Variants in CYP27C1 observed in about 807,000 individuals in gnomAD.
The protein encoded by CYP27C1 is cytochrome P450 27C1.
A neutral mutation model predicts 40.6 loss-of-function variants in CYP27C1; 29 were observed. The ratio of observed to expected loss-of-function variants is 0.71; its 90% CI spans 0.53 to 0.97. The LOEUF is 0.97. Among genes scored for constraint, CYP27C1 ranks in the 50% least tolerant of loss-of-function variants. CYP27C1 has a pLI of 0.00. For missense variants in CYP27C1, 390 were observed against 485.8 expected (o/e 0.80, Z 1.85); for synonymous variants, 198 against 186.8 (o/e 1.06, Z -0.49).
rs908727052 is a variant in CYP27C1, at chr2:127,219,034, T to A, written c.282+955A>T. Reference sequence around the variant, plus strand: ...GTTCCTCCCACGTCCCTGCCTCCAGTCCCGGCGCGAACTCCAGGTGTCGCC... The same window carrying A: ...GTTCCTCCCACGTCCCTGCCTCCAGACCCGGCGCGAACTCCAGGTGTCGCC... On this transcript the variant is annotated intron_variant, in intron 1 of 8. Coordinates refer to ENST00000664447, the MANE Select transcript of CYP27C1 (RefSeq NM_001367502.1). The surrounding 1 kb of genome is among the most constrained non-coding windows in gnomAD (Gnocchi z 8.7). 6.6e-6 allele frequency among the ~76,000 whole-genome samples: 1 copy of A among 151,986 alleles called. No homozygotes were observed. The highest frequency in any genetic ancestry group is 2.1e-4 in the South Asian group (1 of 4,816).
At chr2:127,187,893 T>C (rs74707659) in intron 8 of CYP27C1, among the ~76,000 whole-genome samples, 14,504 of 152,266 alleles carry the variant, frequency 0.095, 833 homozygotes, top group Middle Eastern at 0.14. Context: ...TATTCTTGGT[T>C]CGTAACTTTG....
At chr2:127,194,997 T>G (rs112728646) in intron 6 of CYP27C1, among the ~76,000 whole-genome samples, 2,595 of 152,190 alleles carry the variant, frequency 0.017, 72 homozygotes, top group African/African-American at 0.06. Context: ...GCCCTGCTAA[T>G]TTTTGTATTT....
Position 127,199,387 on chromosome 2 carries a change from C to A in CYP27C1, c.1036G>T (p.Gly346Cys), listed in dbSNP as rs775859403. ...ACCCCCAGACTCACCGTGTCGACGCCGGCCAGCAGCATCTCAGTCACGTTG... is the reference window on the plus strand; with the variant it reads ...ACCCCCAGACTCACCGTGTCGACGCAGGCCAGCAGCATCTCAGTCACGTTG... ...YANVTEMLLAGVDTTSFTLSW... is the reference protein window; with the variant it reads ...YANVTEMLLACVDTTSFTLSW... The change falls in exon 5 of 9, where the codon GGC becomes TGC. Residue 346 changes from glycine (G) to cysteine (C), a missense_variant. By Grantham distance (159) the Gly-to-Cys change is radical. Coordinates refer to ENST00000664447, the MANE Select transcript of CYP27C1 (RefSeq NM_001367502.1). The A allele has an allele frequency of 1.2e-6, 2 of 1,613,878 alleles. No homozygotes were observed. Among genetic ancestry groups the A allele is most frequent in the Non-Finnish European group, 1.7e-6 (2 of 1,179,946 alleles).
rs779367676 is a variant in CYP27C1, at chr2:127,195,293, TA to T, written c.1214+41del. The T allele has an allele frequency of 1.1e-5, 17 of 1,612,770 alleles. No individual in the cohort carries two copies. Among genetic ancestry groups the T allele is most frequent in the Non-Finnish European group, 1.4e-5 (17 of 1,179,220 alleles). On this transcript the variant is annotated intron_variant, in intron 6 of 8. Transcript: ENST00000664447. This position sits in a 1 kb window ranked among gnomAD's most constrained non-coding sequence, Gnocchi z 6.2. ...TTGTTGTGATAGAGAACCAGGGACC[TA>T]AGGGACACAGTTTGTTGACGGATTC... is the stretch of plus-strand genomic sequence containing the variant.
chr2:127,201,050 G>T lies in CYP27C1; in HGVS notation c.883+72C>A. 7.0e-7 allele frequency: 1 copy of T among 1,427,828 alleles called. No homozygotes were observed. The highest frequency in any genetic ancestry group is 9.8e-7 in the Non-Finnish European group (1 of 1,021,996). 88.4% of individuals were successfully genotyped at this position (1,427,828 alleles called of 1,614,324 possible). A position where few individuals can be genotyped will look rare whatever the true frequency, so the allele number is the denominator to read the frequency against. ...CCTCTGCTATGGTCACCCATTGTCT[G>T]GATGAGAGTTAGACACACAACACGG... On this transcript the variant is annotated intron_variant, in intron 4 of 8. Transcript: ENST00000664447. The surrounding 1 kb of genome is among the most constrained non-coding windows in gnomAD (Gnocchi z 6.0).
At position 127,219,003 on chromosome 2, in the gene CYP27C1, C is replaced by G. The variant is rs1450670314; in HGVS notation, c.282+986G>C. Among the ~76,000 whole-genome samples, 1 of 152,110 alleles carries G rather than the reference C, an allele frequency of 6.6e-6. No individual in the cohort carries two copies. The highest frequency in any genetic ancestry group is 2.4e-5 in the African/African-American group (1 of 41,428). On this transcript the variant is annotated intron_variant, in intron 1 of 8. Coordinates refer to ENST00000664447, the MANE Select transcript of CYP27C1 (RefSeq NM_001367502.1). This position sits in a 1 kb window ranked among gnomAD's most constrained non-coding sequence, Gnocchi z 8.7. ...CAACGCCCTAGCGGGTGGCTGGGAC[C>G]CCTGGGTTCCTCCCACGTCCCTGCC...
chr2:127,195,204 G>A lies in CYP27C1; in HGVS notation c.1214+131C>T. The A allele has an allele frequency of 8.9e-7, 1 of 1,122,462 alleles. No individual in the cohort carries two copies. The highest frequency in any genetic ancestry group is 1.3e-6 in the Non-Finnish European group (1 of 779,894). The allele number at this position is 1,122,462 out of a possible 1,614,324, so 69.5% of individuals were successfully genotyped here. A position where few individuals can be genotyped will look rare whatever the true frequency, so the allele number is the denominator to read the frequency against. ...TTTCTGCTATTCTGACAAGAGCAGAGAAAAAATAACAGTCACGAACATCCT... is the reference window on the plus strand; with the variant it reads ...TTTCTGCTATTCTGACAAGAGCAGAAAAAAAATAACAGTCACGAACATCCT... On this transcript the variant is annotated intron_variant, in intron 6 of 8. Coordinates refer to ENST00000664447, the MANE Select transcript of CYP27C1 (RefSeq NM_001367502.1). The surrounding 1 kb of genome is among the most constrained non-coding windows in gnomAD (Gnocchi z 6.2).
At chr2:127,194,179 G>C (rs982684564) in intron 6 of CYP27C1, among the ~76,000 whole-genome samples, 1 of 152,058 alleles carries the variant, frequency 6.6e-6, no homozygotes, top group Non-Finnish European at 1.5e-5. Flanking sequence ...ATGTGACCAC[G>C]GGACCACTTT....
chr2:127,204,485 A>AAAGAAAGAAAGAAAGGAAGGAAGGAAGG (rs1336827282), intron 2 of CYP27C1, among the ~76,000 whole-genome samples: 1 of 60,170 alleles, frequency 1.7e-5, no homozygotes, highest in African/African-American at 6.8e-5. Context: ...AGAAAGAAAG[A>AAAGAAAGAAAGAAAGGAAGGAAGGAAGG]AAGGAAGGAA....
chr2:127,193,413 C>G (rs902327261), intron 7 of CYP27C1, 116 bp from the exon 8 acceptor site: 1 of 1,200,896 alleles, frequency 8.3e-7, no homozygotes, highest in African/African-American at 1.5e-5. Flanking sequence ...GGGGGCCGCC[C>G]GGGTCCACTC....
intron 1 of CYP27C1, among the ~76,000 whole-genome samples, chr2:127,212,916 C>A (rs763239081): frequency 9.9e-5 from 15 of 152,118 alleles, no homozygotes; most frequent in Non-Finnish European, 1.6e-4. Context: ...ATTTAGAAAA[C>A]CCCATCATCT....
rs138682404 is a variant in CYP27C1 at position 127,193,795 on chromosome 2, C to A, written c.1287G>T (p.Pro429=). The A allele has an allele frequency of 7.4e-6, 12 of 1,614,056 alleles. No homozygotes were observed. The African/African-American group carries it at 1.1e-4, about 14-fold the overall frequency. Residue 429 remains proline, a synonymous_variant, in exon 7 of 9, where the codon CCG becomes CCT. Transcript: ENST00000664447. The stretch of plus-strand genomic sequence containing the variant: ...CCCATGGCCCCAAACTCACGCCTTT[C>A]GGAATCAGATACCCGCCAATAACCA... ...EDLVIGGYLI[P]KGTQLALCHY... is the part of the protein sequence containing the mutation.
At chr2:127,194,327 T>G (rs894270619) in intron 6 of CYP27C1, among the ~76,000 whole-genome samples, 2 of 152,028 alleles carry the variant, frequency 1.3e-5, no homozygotes, top group African/African-American at 2.4e-5. Flanking sequence ...GCCAGCTGCT[T>G]CTTTTTTTTT....
In CYP27C1 at chr2:127,197,660, C is replaced by T. The variant is rs148345186; in HGVS notation, c.1047+1716G>A. ...CCCGACCACCAGCAGCACCCCAGCC[C>T]GCAGCTTCCCCAGTTTCCAGCCAGA... On this transcript the variant is annotated intron_variant, in intron 5 of 8. Transcript: ENST00000664447. Among the ~76,000 whole-genome samples, 822 of 152,286 alleles carry T rather than the reference C, an allele frequency of 5.4e-3. 9 individuals carry two copies. The highest frequency in any genetic ancestry group is 0.019 in the African/African-American group (788 of 41,552).
rs1326694055 is a variant in CYP27C1, at chr2:127,219,745, C to T, written c.282+244G>A. On this transcript the variant is annotated intron_variant, in intron 1 of 8. Transcript: ENST00000664447. The surrounding 1 kb of genome is among the most constrained non-coding windows in gnomAD (Gnocchi z 8.7). ...CCCCCGCCCCGCTCCCGGTTCCTGC[C>T]TCCTCCACCCCGGATCGCCTTTCCG... Among the ~76,000 whole-genome samples the T allele has an allele frequency of 3.3e-5, 5 of 151,722 alleles. No individual in the cohort carries two copies. Among genetic ancestry groups the T allele is most frequent in the African/African-American group, 9.7e-5 (4 of 41,310 alleles).
At position 127,199,500 on chromosome 2, in the gene CYP27C1, TACTGTATGTCCCTCA is replaced by T. The variant is rs773056472; in HGVS notation, c.908_922del (p.Leu303_Gln307del). ...CACCCTCCGGCCTCGGTCCATTTGG[TACTGTATGTCCCTCA>T]ACTTGTTGTCAACATGAATTTGGCC... On this transcript the variant is annotated inframe_deletion, in exon 5 of 9. Transcript: ENST00000664447. 36 of 1,614,070 alleles carry T rather than the reference TACTGTATGTCCCTCA, an allele frequency of 2.2e-5. No homozygotes were observed. Among genetic ancestry groups the T allele is most frequent in the Non-Finnish European group, 2.9e-5 (34 of 1,180,018 alleles).
At chr2:127,192,850 G>A (rs912171788) in intron 8 of CYP27C1, among the ~76,000 whole-genome samples, 1 of 152,186 alleles carries the variant, frequency 6.6e-6, no homozygotes, top group Non-Finnish European at 1.5e-5. Flanking sequence ...TCACTCTGTC[G>A]CCCAGGCTGG....
intron 8 of CYP27C1, 92 bp downstream of exon 8, chr2:127,193,002 G>A (rs1436849164): frequency 3.0e-5 from 45 of 1,492,492 alleles, no homozygotes; most frequent in East Asian, 4.8e-5. Flanking sequence ...TTCCAAAACC[G>A]TCTTTGCTTT....
intron 1 of CYP27C1, among the ~76,000 whole-genome samples, chr2:127,214,736 C>T (rs4528711): frequency 0.24 from 35,575 of 147,606 alleles, 4,421 homozygotes; most frequent in East Asian, 0.29. Flanking sequence ...GGTGCACGTA[C>T]ACCTATGTAA....
Sources: gnomAD v4.1 joint callset for allele counts (sites outside exome capture counted in the v4.1 genomes callset) on GRCh38, gnomAD v4.1.1 for gene constraint, Gnocchi (gnomAD v3.1) non-coding constraint, MANE v1.5 for transcripts, NCBI Gene and HGNC (gene_info 2026-07-23, HGNC 2026-07-21) for gene names.